The following ST3GAL1 variants were observed in gnomAD, a reference collection of about 807,000 sequenced individuals.
ST3GAL1 encodes CMP-N-acetylneuraminate-beta-galactosamide-alpha-2,3-sialyltransferase 1.
Under a neutral mutation model 34.1 loss-of-function variants are expected in ST3GAL1, and 16 were observed. The ratio of observed to expected loss-of-function variants is 0.47; its 90% CI spans 0.32 to 0.71. ST3GAL1 has a LOEUF of 0.71. Ranked by LOEUF, ST3GAL1 falls within the 30% of genes least tolerant of loss-of-function variation. The probability of loss-of-function intolerance (pLI) is 0.04; values close to 1 mark genes in which losing one functional copy is unlikely to be tolerated. For synonymous variants in ST3GAL1, 191 were observed against 184.7 expected (o/e 1.03, Z -0.28); for missense variants, 353 against 447.4 (o/e 0.79, Z 1.90).
intron 1 of ST3GAL1, among the ~76,000 whole-genome samples, chr8:133,562,559 C>A (rs1208897084): frequency 6.6e-6 from 1 of 152,146 alleles, no homozygotes; most frequent in Non-Finnish European, 1.5e-5. Flanking sequence ...AAGAGTTGAA[C>A]TGAGGGCCAA....
At position 133,460,879 on chromosome 8, in the gene ST3GAL1, A is replaced by G. The variant is rs1815471569; in HGVS notation, c.850-942T>C. 2.0e-5 allele frequency among the ~76,000 whole-genome samples: 3 copies of G among 151,252 alleles called. No homozygotes were observed. In the South Asian group the frequency reaches 6.3e-4, roughly 32 times the overall value. ...CGTGCTATCTGGGCTGCAGCGTGGA[A>G]GATAGATTGGAGGGGTGGGGACAAA... On this transcript the variant is annotated intron_variant, in intron 9 of 9. Transcript: ENST00000522652.
rs1374407462 is a variant in ST3GAL1, at chr8:133,461,742, C to T, written c.849+133G>A. 3.6e-5 allele frequency: 47 copies of T among 1,313,884 alleles called. No homozygotes were observed. The East Asian group carries it at 7.0e-4, about 20-fold the overall frequency. The allele number at this position is 1,313,884 out of a possible 1,614,324, so 81.4% of individuals were successfully genotyped here. A position where few individuals can be genotyped will look rare whatever the true frequency, so the allele number is the denominator to read the frequency against. ...GGGAGACACATGTTGCAAGTCCTGTCGTAGAGACAGGGAATCCGAGCTTCC... is the reference window on the plus strand; with the variant it reads ...GGGAGACACATGTTGCAAGTCCTGTTGTAGAGACAGGGAATCCGAGCTTCC... On this transcript the variant is annotated intron_variant, in intron 9 of 9. Coordinates refer to ENST00000522652, the MANE Select transcript of ST3GAL1 (RefSeq NM_173344.3). The surrounding 1 kb of genome is among the most constrained non-coding windows in gnomAD (Gnocchi z 4.7).
At chr8:133,495,480 G>T (rs1175677040) in intron 3 of ST3GAL1, among the ~76,000 whole-genome samples, 1 of 152,226 alleles carries the variant, frequency 6.6e-6, no homozygotes, top group Non-Finnish European at 1.5e-5. Context: ...CACTTAAATT[G>T]TTAGACGTAG....
Position 133,457,335 on chromosome 8 carries a change from C to T in ST3GAL1, c.*2429G>A, listed in dbSNP as rs1815337982. The T allele has an allele frequency of 6.6e-6, 1 of 152,274 alleles. No homozygotes were observed. Among genetic ancestry groups the T allele is most frequent in the Non-Finnish European group, 1.5e-5 (1 of 68,092 alleles). The allele number at this position is 152,274 out of a possible 1,614,324, so 9.4% of individuals were successfully genotyped here. A position where few individuals can be genotyped will look rare whatever the true frequency, so the allele number is the denominator to read the frequency against. ...ACACAGCAAAACCCAGAGAAGTCGA[C>T]TGCTCAGCCTGAGCCTGTCATCCCT... is the stretch of plus-strand genomic sequence containing the variant. On this transcript the variant is annotated 3_prime_UTR_variant, in exon 10 of 10. Coordinates refer to ENST00000522652, the MANE Select transcript of ST3GAL1 (RefSeq NM_173344.3).
At chr8:133,548,615 A>T (rs1818739366) in intron 1 of ST3GAL1, among the ~76,000 whole-genome samples, 2 of 152,190 alleles carry the variant, frequency 1.3e-5, no homozygotes. Context: ...CACACTTCTA[A>T]GATGTTTTCT....
rs1190900434 is a variant in ST3GAL1, at chr8:133,540,870, CAT to C, written c.-429+4902_-429+4903del. 7.5e-5 allele frequency among the ~76,000 whole-genome samples: 8 copies of C among 105,992 alleles called. 1 individual carries two copies. The highest frequency in any genetic ancestry group is 6.7e-4 in the South Asian group (2 of 2,974). The allele number at this position is 105,992 out of a possible 152,430, so 69.5% of individuals were successfully genotyped here. A position where few individuals can be genotyped will look rare whatever the true frequency, so the allele number is the denominator to read the frequency against. Reference sequence around the variant, plus strand: ...ATATATAGAGACATATATATAGAGACATATATATAGAGACATATATATAGACA... The same window carrying C: ...ATATATAGAGACATATATATAGAGACATATATAGAGACATATATATAGACA... On this transcript the variant is annotated intron_variant, in intron 2 of 9. Transcript: ENST00000522652.
At chr8:133,497,059 C>T (rs1448860855) in intron 3 of ST3GAL1, among the ~76,000 whole-genome samples, 2 of 152,242 alleles carry the variant, frequency 1.3e-5, no homozygotes, top group Non-Finnish European at 2.9e-5. Flanking sequence ...CCTGAGCCCG[C>T]ACACAGGGGC....
rs1000487537 is a variant in ST3GAL1 at position 133,570,559 on chromosome 8, C to A, written c.-582+1134G>T. On this transcript the variant is annotated intron_variant, in intron 1 of 9. Coordinates refer to ENST00000522652, the MANE Select transcript of ST3GAL1 (RefSeq NM_173344.3). This position sits in a 1 kb window ranked among gnomAD's most constrained non-coding sequence, Gnocchi z 5.6. ...TCAGGGCTCCAGCTGACGAGCAGAG[C>A]CAGACGATCCCCACACGCTTCCTGG... Among the ~76,000 whole-genome samples, 1 of 152,114 alleles carries A rather than the reference C, an allele frequency of 6.6e-6. No homozygotes were observed.
At chr8:133,501,411 G>C (rs956569977) in intron 2 of ST3GAL1, among the ~76,000 whole-genome samples, 13 of 152,126 alleles carry the variant, frequency 8.5e-5, no homozygotes, top group African/African-American at 3.1e-4. Context: ...AGGGTTTGGA[G>C]AAGTACTGTC....
At chr8:133,532,450 ACT>A (rs1427910100) in intron 2 of ST3GAL1, among the ~76,000 whole-genome samples, 1 of 151,844 alleles carries the variant, frequency 6.6e-6, no homozygotes, top group Non-Finnish European at 1.5e-5. Context: ...ACAGAGCGAG[ACT>A]CTGTCTCAAA....
At chr8:133,558,396 C>A (rs1224654116) in intron 1 of ST3GAL1, among the ~76,000 whole-genome samples, 1 of 152,196 alleles carries the variant, frequency 6.6e-6, no homozygotes, top group African/African-American at 2.4e-5. Flanking sequence ...GGTTCAGCAA[C>A]TTGCTGAAGG....
At chr8:133,510,762 G>A (rs1817479490) in intron 2 of ST3GAL1, among the ~76,000 whole-genome samples, 1 of 152,308 alleles carries the variant, frequency 6.6e-6, no homozygotes, top group South Asian at 2.1e-4. Flanking sequence ...AGCAGTGTCT[G>A]GTTTTCTCAT....
At chr8:133,514,012 G>A (rs1037401321) in intron 2 of ST3GAL1, among the ~76,000 whole-genome samples, 5 of 152,178 alleles carry the variant, frequency 3.3e-5, no homozygotes, top group Admixed American at 6.5e-5. Context: ...AGCCCATGTC[G>A]GGCACCTGGC....
chr8:133,549,754 G>A (rs1355481606), intron 1 of ST3GAL1, among the ~76,000 whole-genome samples: 1 of 152,146 alleles, frequency 6.6e-6, no homozygotes, highest in Non-Finnish European at 1.5e-5. Flanking sequence ...CCTGAGGTCG[G>A]AGGTTCGAGA....
intron 3 of ST3GAL1, among the ~76,000 whole-genome samples, chr8:133,484,752 T>C (rs951759794): frequency 6.6e-6 from 1 of 152,194 alleles, no homozygotes; most frequent in Non-Finnish European, 1.5e-5. Context: ...TTGGAAGCCT[T>C]GCTGGGCTTT....
chr8:133,567,924 CT>C (rs34290746), intron 1 of ST3GAL1, among the ~76,000 whole-genome samples: 38,704 of 146,012 alleles, frequency 0.27, 5,493 homozygotes, highest in African/African-American at 0.38. Flanking sequence ...GCCTTGCTCT[CT>C]TTTTTTTTTT....
chr8:133,556,975 T>C lies in ST3GAL1; in HGVS notation c.-581-11049A>G, dbSNP rs1197918192. On this transcript the variant is annotated intron_variant, in intron 1 of 9. Coordinates refer to ENST00000522652, the MANE Select transcript of ST3GAL1 (RefSeq NM_173344.3). The surrounding 1 kb of genome is among the most constrained non-coding windows in gnomAD (Gnocchi z 8.9). Reference sequence around the variant, plus strand: ...TGCATGCATGTGTTAGAAGGAAACATTGTGACATGGTGGAAAGGGGTATGT... The same window carrying C: ...TGCATGCATGTGTTAGAAGGAAACACTGTGACATGGTGGAAAGGGGTATGT... Among the ~76,000 whole-genome samples the C allele has an allele frequency of 2.0e-5, 3 of 152,070 alleles. No individual in the cohort carries two copies. Among genetic ancestry groups the C allele is most frequent in the African/African-American group, 7.3e-5 (3 of 41,378 alleles).
chr8:133,554,626 G>T (rs1238490749), intron 1 of ST3GAL1, among the ~76,000 whole-genome samples: 4 of 152,054 alleles, frequency 2.6e-5, no homozygotes, highest in Non-Finnish European at 5.9e-5. Flanking sequence ...ATCTGCTACT[G>T]CCTGTCTGAT....
intron 2 of ST3GAL1, among the ~76,000 whole-genome samples, chr8:133,527,868 A>G (rs1818022671): frequency 6.6e-6 from 1 of 152,098 alleles, no homozygotes; most frequent in African/African-American, 2.4e-5. Flanking sequence ...TCCCATCGAG[A>G]GCTCATTAAA....
Sources: allele counts gnomAD v4.1 joint callset (sites outside exome capture counted in the v4.1 genomes callset), GRCh38; gene constraint gnomAD v4.1.1; non-coding constraint Gnocchi (gnomAD v3.1); transcripts MANE v1.5; gene names NCBI Gene and HGNC (gene_info 2026-07-23, HGNC 2026-07-21).